TMEM132E: variants seen among roughly 807,000 people sequenced by gnomAD.
TMEM132E encodes the protein transmembrane protein 132E.
TMEM132E carries 49 observed loss-of-function variants against 78.5 expected under a neutral mutation model. The observed-to-expected ratio is 0.62, with a 90% CI of 0.50 to 0.79. The LOEUF (loss-of-function observed/expected upper bound fraction) is 0.79, where lower values mean the gene tolerates loss of function less well. TMEM132E is among the 30% of genes least tolerant of loss of function. The probability of loss-of-function intolerance (pLI) is 0.00; values close to 1 mark genes in which losing one functional copy is unlikely to be tolerated. For missense variants in TMEM132E, 1,403 were observed against 1,470.9 expected, an observed-to-expected ratio of 0.95 and a Z score of 0.75; for synonymous variants, 715 against 670.6, an observed-to-expected ratio of 1.07 and a Z score of -1.02.
At chr17:34,597,945 G>A (rs1906113411) in intron 1 of TMEM132E, among the ~76,000 whole-genome samples, 1 of 152,080 alleles carries the variant, frequency 6.6e-6, no homozygotes, top group South Asian at 2.1e-4. Flanking sequence ...CTCCCTCCAG[G>A]CCTCAGTTTC....
chr17:34,607,840 G>C (rs746885620), intron 1 of TMEM132E, among the ~76,000 whole-genome samples: 7 of 152,084 alleles, frequency 4.6e-5, no homozygotes, highest in Non-Finnish European at 7.4e-5. Context: ...GTCTGAAAGG[G>C]TCCCGAGTGC....
At chr17:34,633,642 A>C (rs1038175215) in intron 6 of TMEM132E, among the ~76,000 whole-genome samples, 2 of 152,252 alleles carry the variant, frequency 1.3e-5, no homozygotes, top group African/African-American at 4.8e-5. Flanking sequence ...AGAGGGAAGC[A>C]GGTGGTGAGA....
chr17:34,629,332 C>T, intron 4 of TMEM132E, 128 bp downstream of exon 4: 2 of 1,069,350 alleles, frequency 1.9e-6, no homozygotes, highest in Non-Finnish European at 2.6e-6. Flanking sequence ...GACTTCCTGC[C>T]ATGCCCAGGT....
At position 34,636,192 on chromosome 17, in the gene TMEM132E, C is replaced by G; in HGVS notation, c.2163C>G (p.Leu721=). 6.7e-7 allele frequency: 1 copy of G among 1,498,142 alleles called. No individual in the cohort carries two copies. Among genetic ancestry groups the G allele is most frequent in the Non-Finnish European group, 8.9e-7 (1 of 1,122,788 alleles). 92.8% of individuals were successfully genotyped at this position (1,498,142 alleles called of 1,614,324 possible). A position where few individuals can be genotyped will look rare whatever the true frequency, so the allele number is the denominator to read the frequency against. ...TTAAQQTLSF[L]KQEALLSLWL... ...CTGCCCAACAGACCTTGAGCTTCCT[C>G]AAGCAGGTAACTGGCTCCTTGGCCC... Residue 721 remains leucine (L), a synonymous_variant, in exon 8 of 9, where the codon CTC becomes CTG. Coordinates refer to ENST00000631683, the MANE Select transcript of TMEM132E (RefSeq NM_001304438.2).
intron 1 of TMEM132E, among the ~76,000 whole-genome samples, chr17:34,591,859 C>A (rs1437851558): frequency 6.6e-5 from 10 of 152,238 alleles, no homozygotes; most frequent in Non-Finnish European, 1.2e-4. Context: ...GCTGACATCT[C>A]CCTGAGCCTC....
At chr17:34,602,114 C>T (rs770069778) in intron 1 of TMEM132E, among the ~76,000 whole-genome samples, 3 of 152,240 alleles carry the variant, frequency 2.0e-5, no homozygotes, top group Non-Finnish European at 2.9e-5. Flanking sequence ...GCCCATTAGG[C>T]TCCATCTGGT....
Position 34,629,020 on chromosome 17 carries a change from A to G in TMEM132E, c.1154A>G (p.Gln385Arg). 6.4e-7 allele frequency: 1 copy of G among 1,565,168 alleles called. No homozygotes were observed. Among genetic ancestry groups the G allele is most frequent in the Non-Finnish European group, 8.7e-7 (1 of 1,151,876 alleles). ...QSTPLPPREG[Q>R]GPLEILQLDF... ...CTCCCCTACCCTGGCAGGGAGGGCC[A>G]GGGCCCCTTGGAGATCTTGCAGCTG... The change falls in exon 4 of 9, where the codon CAG becomes CGG. Residue 385 changes from glutamine to arginine, a missense_variant. Physicochemically the swap from Gln to Arg is conservative, Grantham distance 43 (BLOSUM62 1). Around this residue, in one of 3 missense-constraint regions of TMEM132E, gnomAD observed 888 missense variants for 952.8 expected, o/e 0.93. Coordinates refer to ENST00000631683, the MANE Select transcript of TMEM132E (RefSeq NM_001304438.2).
In TMEM132E at chr17:34,638,218, A is replaced by G. The variant is rs753836968; in HGVS notation, c.3211A>G (p.Lys1071Glu). The G allele has an allele frequency of 1.4e-5, 22 of 1,594,736 alleles. No individual in the cohort carries two copies. In the South Asian group the frequency reaches 2.3e-4, roughly 16 times the overall value. The change falls in exon 9 of 9, where the codon AAA (lysine) becomes GAA (glutamate). Residue 1071 changes from lysine (K) to glutamate (E), a missense_variant. Transcript: ENST00000631683. ...PDLHNYMRRI[K>E]EIA is the part of the protein sequence containing the mutation. ...CCTGCACAATTACATGCGCAGAATC[A>G]AAGAGATTGCATAGAGGCGCCAGCC... is the stretch of plus-strand genomic sequence containing the variant.
intron 1 of TMEM132E, among the ~76,000 whole-genome samples, chr17:34,581,538 C>G (rs1421799388): frequency 2.0e-5 from 3 of 152,076 alleles, no homozygotes; most frequent in Non-Finnish European, 4.4e-5. Flanking sequence ...TGGGATCCGC[C>G]GGGATCGCGT....
At chr17:34,609,143 G>A (rs1906510135) in intron 1 of TMEM132E, among the ~76,000 whole-genome samples, 1 of 152,222 alleles carries the variant, frequency 6.6e-6, no homozygotes, top group Non-Finnish European at 1.5e-5. Flanking sequence ...TGTGAGGAAA[G>A]CATGTTTTGA....
chr17:34,592,101 GT>G (rs1265367863), intron 1 of TMEM132E, among the ~76,000 whole-genome samples: 9 of 152,194 alleles, frequency 5.9e-5, no homozygotes, highest in Non-Finnish European at 1.3e-4. Flanking sequence ...TGGTGGTTGG[GT>G]TTTTTGTTTT....
intron 1 of TMEM132E, among the ~76,000 whole-genome samples, chr17:34,616,270 C>G (rs1906776338): frequency 6.6e-6 from 1 of 152,148 alleles, no homozygotes; most frequent in Non-Finnish European, 1.5e-5. Flanking sequence ...CTCCCCACAG[C>G]TGACTTTTAT....
chr17:34,634,732 C>T lies in TMEM132E; in HGVS notation c.1689-67C>T, dbSNP rs2058164. On this transcript the variant is annotated intron_variant, in intron 6 of 8. Coordinates refer to ENST00000631683, the MANE Select transcript of TMEM132E (RefSeq NM_001304438.2). ...GGGAGGACCCAACAGGGCAAGGGTG[C>T]GGGGTGTGTACTGTGCAGGTCAGAG... is the stretch of plus-strand genomic sequence containing the variant. 1.2e-5 allele frequency: 18 copies of T among 1,507,170 alleles called. No individual in the cohort carries two copies. The African/African-American group carries it at 1.2e-4, about 10-fold the overall frequency. 93.4% of individuals were successfully genotyped at this position (1,507,170 alleles called of 1,614,324 possible). A position where few individuals can be genotyped will look rare whatever the true frequency, so the allele number is the denominator to read the frequency against.
At chr17:34,621,924 T>A (rs1435077486) in intron 1 of TMEM132E, among the ~76,000 whole-genome samples, 1 of 152,026 alleles carries the variant, frequency 6.6e-6, no homozygotes, top group East Asian at 1.9e-4. Context: ...CCCCACAACC[T>A]CTCTTCTCTC....
chr17:34,581,663 G>A (rs917979381), intron 1 of TMEM132E, among the ~76,000 whole-genome samples: 1 of 151,790 alleles, frequency 6.6e-6, no homozygotes, highest in African/African-American at 2.4e-5. Context: ...GAGCCGCCGC[G>A]GCTCGCACGC....
chr17:34,595,859 G>A (rs577491017), intron 1 of TMEM132E, among the ~76,000 whole-genome samples: 10 of 152,282 alleles, frequency 6.6e-5, no homozygotes, highest in African/African-American at 1.9e-4. Context: ...CTGTATTTGG[G>A]GAGGCGCCTC....
intron 1 of TMEM132E, among the ~76,000 whole-genome samples, chr17:34,613,080 C>T (rs1906644891): frequency 6.6e-6 from 1 of 151,638 alleles, no homozygotes; most frequent in Non-Finnish European, 1.5e-5. Flanking sequence ...CCCAGCTTCC[C>T]CCAGAGCCTC....
chr17:34,638,474 G>C lies in TMEM132E; in HGVS notation c.*242G>C. ...CTCTTCCTCCAGTGGCTCGTAAGGA[G>C]GAAAGCAACCCCAGCCTCTGTTCTG... On this transcript the variant is annotated 3_prime_UTR_variant, in exon 9 of 9. Transcript: ENST00000631683. The C allele has an allele frequency of 2.2e-6, 1 of 461,920 alleles. No homozygotes were observed. The highest frequency in any genetic ancestry group is 3.8e-6 in the Non-Finnish European group (1 of 265,604). The allele number at this position is 461,920 out of a possible 1,614,324, so 28.6% of individuals were successfully genotyped here.
chr17:34,603,739 G>T (rs1034312166), intron 1 of TMEM132E, among the ~76,000 whole-genome samples: 1 of 152,138 alleles, frequency 6.6e-6, no homozygotes, highest in African/African-American at 2.4e-5. Flanking sequence ...CCTCATGGTG[G>T]CTCCTCTGCA....
Sources: gnomAD v4.1 joint callset for allele counts (sites outside exome capture counted in the v4.1 genomes callset) on GRCh38, gnomAD v4.1.1 for gene constraint, gnomAD v4.1.1 regional missense constraint, MANE v1.5 for transcripts, NCBI Gene and HGNC (gene_info 2026-07-23, HGNC 2026-07-21) for gene names.